Variants in ATG2B observed in about 807,000 individuals in gnomAD.
The protein encoded by ATG2B is autophagy-related protein 2 homolog B.
Under a neutral mutation model 241.3 loss-of-function variants are expected in ATG2B, and 121 were observed. That is an observed-to-expected ratio of 0.50 (90% CI 0.43 to 0.58). The LOEUF (loss-of-function observed/expected upper bound fraction) is 0.58. ATG2B is among the 20% of genes least tolerant of loss of function. ATG2B has a pLI of 0.00. For synonymous variants in ATG2B, 858 were observed against 876.6 expected (o/e 0.98, Z 0.37); for missense variants, 2,306 against 2,491.6 (o/e 0.93, Z 1.59).
intron 28 of ATG2B, among the ~76,000 whole-genome samples, chr14:96,310,785 T>C (rs753623338): frequency 6.6e-6 from 1 of 152,214 alleles, no homozygotes; most frequent in African/African-American, 2.4e-5. Flanking sequence ...TATCTTTTCA[T>C]AGCATTTTTA....
At chr14:96,320,143 C>T (rs556287024) in intron 18 of ATG2B, among the ~76,000 whole-genome samples, 1 of 152,104 alleles carries the variant, frequency 6.6e-6, no homozygotes, top group East Asian at 1.9e-4. Context: ...CCAATTACCC[C>T]CAAGTGCCAC....
At position 96,279,603 on chromosome 14, in the gene ATG2B, C is replaced by G. The variant is rs115263499; in HGVS notation, c.*6152G>C. ...AAGGAAAGCATGCTATAGTGGGAAA[C>G]AGAGAGGAAGGGAGGGTGGCCAGGC... On this transcript the variant is annotated 3_prime_UTR_variant, in exon 42 of 42. Coordinates refer to ENST00000359933, the MANE Select transcript of ATG2B (RefSeq NM_018036.7). 6.3e-3 allele frequency: 963 copies of G among 152,426 alleles called. 10 individuals carry two copies. Among genetic ancestry groups the G allele is most frequent in the Middle Eastern group, 0.051 (15 of 296 alleles). 9.4% of individuals were successfully genotyped at this position (152,426 alleles called of 1,614,324 possible).
At chr14:96,298,565 T>C (rs1886709842) in intron 34 of ATG2B, among the ~76,000 whole-genome samples, 1 of 152,196 alleles carries the variant, frequency 6.6e-6, no homozygotes, top group African/African-American at 2.4e-5. Context: ...TAAACCGTGG[T>C]ATATCCACAG....
intron 6 of ATG2B, among the ~76,000 whole-genome samples, chr14:96,339,306 A>G (rs999771990): frequency 1.3e-5 from 2 of 150,538 alleles, no homozygotes; most frequent in East Asian, 3.9e-4. Flanking sequence ...GTGTGTGTGT[A>G]TACATATATA....
chr14:96,298,445 A>G (rs1001380827), intron 34 of ATG2B, among the ~76,000 whole-genome samples: 4 of 152,234 alleles, frequency 2.6e-5, no homozygotes, highest in Admixed American at 1.3e-4. Flanking sequence ...CAACCAAGAG[A>G]AGTGAAAACG....
chr14:96,311,442 A>G, intron 27 of ATG2B, 100 bp downstream of exon 27: 2 of 1,218,240 alleles, frequency 1.6e-6, no homozygotes, highest in South Asian at 2.9e-5. Context: ...TACTTACTCT[A>G]TTTCTGACCA....
intron 18 of ATG2B, 75 bp from the exon 19 acceptor site, chr14:96,317,930 T>C: frequency 8.7e-7 from 1 of 1,151,444 alleles, no homozygotes; most frequent in South Asian, 2.1e-5. Context: ...AAAAATCCTT[T>C]TAAAAGATCG....
rs113424169 is a variant in ATG2B, at chr14:96,317,798, G to C, written c.2937C>G (p.Phe979Leu). ...GCCCAATGCCATAGGAAATATTCTC[G>C]AATGTCTCCACTGGTGAAGGAGCTG... ...EPTAPSPVET[F>L]ENISYGIGLS... Residue 979 changes from phenylalanine to leucine, a missense_variant, in exon 19 of 42, where the codon TTC (phenylalanine) becomes TTG (leucine). Phe to Leu is a conservative substitution (Grantham distance 22). This residue lies in a region of ATG2B where 1,927 missense variants were observed against 2,011.2 expected (regional missense o/e 0.96). Coordinates refer to ENST00000359933, the MANE Select transcript of ATG2B (RefSeq NM_018036.7). 5.0e-6 allele frequency: 8 copies of C among 1,612,600 alleles called. No homozygotes were observed. The East Asian group carries it at 1.3e-4, about 27-fold the overall frequency.
Position 96,280,997 on chromosome 14 carries a change from T to C in ATG2B, c.*4758A>G, listed in dbSNP as rs1364149241. ...GTGATATCAAACTAGGAGGTGTGTT[T>C]GCTGCAAGTCCTTATTGCAGGGATA... On this transcript the variant is annotated 3_prime_UTR_variant, in exon 42 of 42. Coordinates refer to ENST00000359933, the MANE Select transcript of ATG2B (RefSeq NM_018036.7). 6.6e-6 allele frequency: 1 copy of C among 152,250 alleles called. No individual in the cohort carries two copies. The highest frequency in any genetic ancestry group is 1.5e-5 in the Non-Finnish European group (1 of 68,052). The allele number at this position is 152,250 out of a possible 1,614,324, so 9.4% of individuals were successfully genotyped here.
At chr14:96,307,849 C>T (rs1000737848) in intron 29 of ATG2B, among the ~76,000 whole-genome samples, 2 of 152,080 alleles carry the variant, frequency 1.3e-5, no homozygotes, top group African/African-American at 2.4e-5. Context: ...CCAAAATCTG[C>T]ATGTCAACAT....
intron 6 of ATG2B, among the ~76,000 whole-genome samples, chr14:96,336,371 A>C (rs1887868652): frequency 1.3e-5 from 2 of 152,198 alleles, no homozygotes; most frequent in African/African-American, 2.4e-5. Context: ...GCATTAAATA[A>C]AAACAAATTA....
At position 96,308,270 on chromosome 14, in the gene ATG2B, A is replaced by ATATG. The variant is rs1555365545; in HGVS notation, c.4303+1182_4303+1183insCATA. 4.6e-3 allele frequency among the ~76,000 whole-genome samples: 129 copies of ATATG among 27,894 alleles called. 6 individuals are homozygous for ATATG. Among genetic ancestry groups the ATATG allele is most frequent in the East Asian group, 0.021 (28 of 1,334 alleles). 18.3% of individuals were successfully genotyped at this position (27,894 alleles called of 152,430 possible). On this transcript the variant is annotated intron_variant, in intron 29 of 41. Coordinates refer to ENST00000359933, the MANE Select transcript of ATG2B (RefSeq NM_018036.7). ...TATATATACACACATATATATATAT[A>ATATG]TATATATATATATTTTTTTTTTTTT... is the stretch of plus-strand genomic sequence containing the variant.
At position 96,343,108 on chromosome 14, in the gene ATG2B, T is replaced by A; in HGVS notation, c.744+11A>T. The A allele has an allele frequency of 6.5e-7, 1 of 1,531,906 alleles. No individual in the cohort carries two copies. Among genetic ancestry groups the A allele is most frequent in the Non-Finnish European group, 8.8e-7 (1 of 1,139,664 alleles). The allele number at this position is 1,531,906 out of a possible 1,614,324, so 94.9% of individuals were successfully genotyped here. ...TATGATTATGGTTTTAGGGTTTTTG[T>A]TTTTTCTTACCACTGGTGCAGTTGA... On this transcript the variant is annotated intron_variant, in intron 5 of 41. Transcript: ENST00000359933.
At chr14:96,314,185 T>C (rs1887240063) in intron 23 of ATG2B, among the ~76,000 whole-genome samples, 1 of 152,222 alleles carries the variant, frequency 6.6e-6, no homozygotes, top group African/African-American at 2.4e-5. Context: ...CCTAAATGCT[T>C]TCATGAGAAA....
chr14:96,347,815 C>A (rs1888209503), intron 1 of ATG2B, among the ~76,000 whole-genome samples: 1 of 152,066 alleles, frequency 6.6e-6, no homozygotes, highest in South Asian at 2.1e-4. Context: ...TGGCTTCTAT[C>A]CAGAAGACAG....
intron 12 of ATG2B, among the ~76,000 whole-genome samples, chr14:96,329,237 TTC>T (rs1196193332): frequency 6.6e-6 from 1 of 152,164 alleles, no homozygotes; most frequent in African/African-American, 2.4e-5. Context: ...ATGAAGTCAT[TTC>T]TCTCATAACC....
chr14:96,352,859 G>A (rs1888367561), intron 1 of ATG2B, among the ~76,000 whole-genome samples: 1 of 151,924 alleles, frequency 6.6e-6, no homozygotes, highest in South Asian at 2.1e-4. Flanking sequence ...TAGCCGAAGT[G>A]TACAGTGTTT....
Position 96,363,126 on chromosome 14 carries a change from C to A in ATG2B, c.-150G>T. The A allele has an allele frequency of 1.2e-6, 1 of 818,198 alleles. No individual in the cohort carries two copies. Among genetic ancestry groups the A allele is most frequent in the East Asian group, 2.7e-5 (1 of 37,642 alleles). 50.7% of individuals were successfully genotyped at this position (818,198 alleles called of 1,614,324 possible). A position where few individuals can be genotyped will look rare whatever the true frequency, so the allele number is the denominator to read the frequency against. On this transcript the variant is annotated 5_prime_UTR_variant, in exon 1 of 42. Coordinates refer to ENST00000359933, the MANE Select transcript of ATG2B (RefSeq NM_018036.7). Reference sequence around the variant, plus strand: ...GTGCCGGGAGTCCCTCAGGGAGACCCCATCGCCGGCGCCGCACCGCTCGCG... The same window carrying A: ...GTGCCGGGAGTCCCTCAGGGAGACCACATCGCCGGCGCCGCACCGCTCGCG...
At position 96,331,448 on chromosome 14, in the gene ATG2B, G is replaced by A. The variant is rs1188097612; in HGVS notation, c.1658C>T (p.Ala553Val). 6.2e-7 allele frequency: 1 copy of A among 1,614,048 alleles called. No individual in the cohort carries two copies. Among genetic ancestry groups the A allele is most frequent in the Non-Finnish European group, 8.5e-7 (1 of 1,179,948 alleles). ...CTTAAAATCTTCTGTTGAAAATCTT[G>A]CTGGATCAATCTTTTCTATACAAGT... ...FFTCIEKIDPARFSTEDFKSF... is the reference protein window; with the variant it reads ...FFTCIEKIDPVRFSTEDFKSF... The change falls in exon 11 of 42, where the codon GCA (alanine) becomes GTA (valine). Residue 553 changes from alanine to valine, a missense_variant. Ala to Val is a moderately conservative substitution (Grantham distance 64). Around this residue, in one of 2 missense-constraint regions of ATG2B, gnomAD observed 1,927 missense variants for 2,011.2 expected, o/e 0.96. Transcript: ENST00000359933.
Sources: allele counts gnomAD v4.1 joint callset (sites outside exome capture counted in the v4.1 genomes callset), GRCh38; gene constraint gnomAD v4.1.1; regional missense constraint gnomAD v4.1.1; transcripts MANE v1.5; gene names NCBI Gene and HGNC (gene_info 2026-07-23, HGNC 2026-07-21).